The following LMNB1 variants were observed in gnomAD, a reference collection of about 807,000 sequenced individuals.
LMNB1 encodes the protein lamin B1.
In LMNB1, 23 loss-of-function variants were observed where a neutral mutation model predicts 67.1. The observed-to-expected ratio is 0.34, with a 90% CI of 0.25 to 0.49. The LOEUF (loss-of-function observed/expected upper bound fraction) is 0.49, where lower values mean the gene tolerates loss of function less well. LMNB1 is among the 20% of genes least tolerant of loss of function. The pLI is 0.99. For missense variants in LMNB1, 634 were observed against 746.5 expected, an observed-to-expected ratio of 0.85 and a Z score of 1.76; for synonymous variants, 281 against 282.9, an observed-to-expected ratio of 0.99 and a Z score of 0.07.
chr5:126,798,310 C>T (rs1751162896), intron 1 of LMNB1, among the ~76,000 whole-genome samples: 2 of 152,002 alleles, frequency 1.3e-5, no homozygotes, highest in Admixed American at 1.3e-4. Flanking sequence ...ATTAGCTGGG[C>T]ATGGTGGCGG....
rs1383530256 is a variant in LMNB1, at chr5:126,825,990, T to C, written c.1494T>C (p.Ile498=). 6.2e-7 allele frequency: 1 copy of C among 1,613,642 alleles called. No homozygotes were observed. The highest frequency in any genetic ancestry group is 1.3e-5 in the African/African-American group (1 of 74,874). ...YVLKAGQTVT[I]WAANAGVTAS... is the part of the protein sequence containing the mutation. Reference sequence around the variant, plus strand: ...TGACATGCTTTGGTTTTTTACAGATTTGGGCTGCAAACGCTGGTGTCACAG... The same window carrying C: ...TGACATGCTTTGGTTTTTTACAGATCTGGGCTGCAAACGCTGGTGTCACAG... Residue 498 remains isoleucine (I), a splice_region_variant and synonymous_variant, in exon 9 of 11, where the codon ATT becomes ATC. Transcript: ENST00000261366.
intron 1 of LMNB1, among the ~76,000 whole-genome samples, chr5:126,787,546 A>ATT (rs142332901): frequency 8.4e-4 from 55 of 65,566 alleles, no homozygotes; most frequent in East Asian, 2.3e-3. Context: ...ATATATATAT[A>ATT]TTTTTTTTTT....
In LMNB1 at chr5:126,820,939, G is replaced by A. The variant is rs746416284; in HGVS notation, c.1190G>A (p.Arg397His). The A allele has an allele frequency of 3.7e-5, 60 of 1,613,440 alleles. No homozygotes were observed. The highest frequency in any genetic ancestry group is 3.3e-4 in the Middle Eastern group (2 of 6,084). Reference sequence around the variant, plus strand: ...AAGCTGTCTCCAAGCCCTTCTTCCCGTGTGACAGTATCCCGAGCATCCTCA... The same window carrying A: ...AAGCTGTCTCCAAGCCCTTCTTCCCATGTGACAGTATCCCGAGCATCCTCA... ...RLKLSPSPSS[R>H]VTVSRASSSR... Residue 397 changes from arginine (R) to histidine (H), a missense_variant, in exon 7 of 11, where the codon CGT becomes CAT. By Grantham distance (29) the Arg-to-His change is conservative. Coordinates refer to ENST00000261366, the MANE Select transcript of LMNB1 (RefSeq NM_005573.4).
rs1189255163 is a variant in LMNB1, at chr5:126,777,369, C to T, written c.-140C>T. ...AGCTCCCGCCATCCCAGGTGCTTCT[C>T]CGTTCCTCTAAACGCCAGCGTCTGG... On this transcript the variant is annotated 5_prime_UTR_variant, in exon 1 of 11. Transcript: ENST00000261366. 4 of 1,027,178 alleles carry T rather than the reference C, an allele frequency of 3.9e-6. No individual in the cohort carries two copies. The highest frequency in any genetic ancestry group is 1.2e-6 in the Non-Finnish European group (1 of 801,908). 63.6% of individuals were successfully genotyped at this position (1,027,178 alleles called of 1,614,324 possible).
At chr5:126,786,403 G>T (rs1404597725) in intron 1 of LMNB1, among the ~76,000 whole-genome samples, 1 of 152,128 alleles carries the variant, frequency 6.6e-6, no homozygotes, top group African/African-American at 2.4e-5. Context: ...TTACAGGCGT[G>T]AGCCACCGTT....
intron 4 of LMNB1, among the ~76,000 whole-genome samples, chr5:126,810,730 T>G (rs1360448327): frequency 6.6e-6 from 1 of 152,240 alleles, no homozygotes; most frequent in Non-Finnish European, 1.5e-5. Flanking sequence ...CAGACTGCAT[T>G]AGATCTCACT....
rs888845531 is a variant in LMNB1 at position 126,822,011 on chromosome 5, G to T, written c.1387-770G>T. On this transcript the variant is annotated intron_variant, in intron 7 of 10. Coordinates refer to ENST00000261366, the MANE Select transcript of LMNB1 (RefSeq NM_005573.4). Reference sequence around the variant, plus strand: ...GAATAGGCTCTAAGGTCTCTTTGTAGCCTTTTTTTTTTTTTTGAGTCTTGC... The same window carrying T: ...GAATAGGCTCTAAGGTCTCTTTGTATCCTTTTTTTTTTTTTTGAGTCTTGC... Among the ~76,000 whole-genome samples, 3 of 107,224 alleles carry T rather than the reference G, an allele frequency of 2.8e-5. No homozygotes were observed. In the South Asian group the frequency reaches 9.9e-4, roughly 35 times the overall value. The allele number at this position is 107,224 out of a possible 152,430, so 70.3% of individuals were successfully genotyped here.
intron 1 of LMNB1, among the ~76,000 whole-genome samples, chr5:126,787,546 A>ATATATTTTTTTTTTTTTTTTTTTTTTT: frequency 4.6e-5 from 3 of 65,582 alleles, no homozygotes; most frequent in Non-Finnish European, 8.2e-5. Context: ...ATATATATAT[A>ATATATTTTTTTTTTTTTTTTTTTTTTT]TTTTTTTTTT....
chr5:126,835,254 G>A (rs1211939419), intron 10 of LMNB1, among the ~76,000 whole-genome samples: 1 of 152,038 alleles, frequency 6.6e-6, no homozygotes, highest in Non-Finnish European at 1.5e-5. Flanking sequence ...GAAGATGGAA[G>A]GGCAGAACAG....
intron 1 of LMNB1, among the ~76,000 whole-genome samples, chr5:126,781,201 C>A (rs1325068812): frequency 1.3e-5 from 2 of 152,048 alleles, no homozygotes; most frequent in African/African-American, 2.4e-5. Context: ...AGGCAGGAGG[C>A]ATTGCTTGAA....
chr5:126,804,328 T>C (rs911470387), intron 1 of LMNB1, among the ~76,000 whole-genome samples: 46 of 141,838 alleles, frequency 3.2e-4, no homozygotes, highest in African/African-American at 1.1e-3. Flanking sequence ...TCCTCCCACA[T>C]CAGCCTCTCA....
intron 10 of LMNB1, among the ~76,000 whole-genome samples, chr5:126,833,924 T>C (rs1005839134): frequency 6.6e-6 from 1 of 152,224 alleles, no homozygotes; most frequent in African/African-American, 2.4e-5. Context: ...GAATTCACCA[T>C]TGCTTCACTA....
chr5:126,797,454 A>G (rs1751133363), intron 1 of LMNB1, among the ~76,000 whole-genome samples: 2 of 152,238 alleles, frequency 1.3e-5, no homozygotes, highest in African/African-American at 4.8e-5. Flanking sequence ...AAATGGACTC[A>G]AAGTAAATGT....
intron 1 of LMNB1, among the ~76,000 whole-genome samples, chr5:126,793,115 A>G (rs1036455300): frequency 6.6e-6 from 1 of 152,310 alleles, no homozygotes. Flanking sequence ...TAGCTGCCTC[A>G]TAACACCCAG....
intron 4 of LMNB1, among the ~76,000 whole-genome samples, chr5:126,811,101 A>C (rs1057139670): frequency 1.3e-5 from 2 of 152,246 alleles, no homozygotes; most frequent in Non-Finnish European, 2.9e-5. Flanking sequence ...GCAGTTAGTG[A>C]AAGTGAAAGA....
chr5:126,789,418 G>A (rs1750896471), intron 1 of LMNB1, among the ~76,000 whole-genome samples: 1 of 152,130 alleles, frequency 6.6e-6, no homozygotes, highest in Admixed American at 6.6e-5. Context: ...ATACTTTTGT[G>A]TATGAAAGAG....
chr5:126,793,120 A>C (rs1751007221), intron 1 of LMNB1, among the ~76,000 whole-genome samples: 1 of 152,150 alleles, frequency 6.6e-6, no homozygotes, highest in Non-Finnish European at 1.5e-5. Flanking sequence ...GCCTCATAAC[A>C]CCCAGCAAAC....
chr5:126,827,332 T>C (rs1245744715), intron 9 of LMNB1, among the ~76,000 whole-genome samples: 3 of 152,180 alleles, frequency 2.0e-5, no homozygotes, highest in Non-Finnish European at 4.4e-5. Flanking sequence ...GGGAATAAGA[T>C]AAAGTGATTT....
intron 1 of LMNB1, among the ~76,000 whole-genome samples, chr5:126,803,238 C>A (rs1309532450): frequency 6.6e-6 from 1 of 151,240 alleles, no homozygotes; most frequent in Non-Finnish European, 1.5e-5. Context: ...TGAACCTCAG[C>A]TTGTTTTTTG....
Sources: allele counts gnomAD v4.1 joint callset (sites outside exome capture counted in the v4.1 genomes callset), GRCh38; gene constraint gnomAD v4.1.1; transcripts MANE v1.5; gene names NCBI Gene and HGNC (gene_info 2026-07-23, HGNC 2026-07-21).